NRXN3: variants seen among roughly 807,000 people sequenced by gnomAD.
NRXN3 encodes the protein neurexin III.
Under a neutral mutation model 137.6 loss-of-function variants are expected in NRXN3, and 32 were observed. The ratio of observed to expected loss-of-function variants is 0.23; its 90% CI spans 0.18 to 0.31. The LOEUF (loss-of-function observed/expected upper bound fraction) is 0.31, where lower values mean the gene tolerates loss of function less well. Among genes scored for constraint, NRXN3 ranks in the 10% least tolerant of loss-of-function variants. The probability of loss-of-function intolerance (pLI) is 1.00; values close to 1 mark genes in which losing one functional copy is unlikely to be tolerated. For synonymous variants in NRXN3, 798 were observed against 784.5 expected (o/e 1.02, Z -0.29); for missense variants, 1,574 against 2,062.5 (o/e 0.76, Z 4.59).
At chr14:78,624,603 A>C (rs1399184844) in intron 4 of NRXN3, among the ~76,000 whole-genome samples, 1 of 152,188 alleles carries the variant, frequency 6.6e-6, no homozygotes, top group African/African-American at 2.4e-5. Flanking sequence ...TTTCCAGAAG[A>C]GAATTGCAGG....
At chr14:79,314,534 C>G (rs528571476) in intron 15 of NRXN3, among the ~76,000 whole-genome samples, 4 of 41,004 alleles carry the variant, frequency 9.8e-5, no homozygotes, top group Admixed American at 6.7e-4. Flanking sequence ...ACAAAGCAGC[C>G]GGGAAGCTCG....
intron 20 of NRXN3, among the ~76,000 whole-genome samples, chr14:79,852,644 A>G (rs1207624721): frequency 7.0e-6 from 1 of 143,176 alleles, no homozygotes; most frequent in Non-Finnish European, 1.6e-5. Flanking sequence ...GTTTTTAAAG[A>G]AAATGCACAA....
intron 15 of NRXN3, among the ~76,000 whole-genome samples, chr14:79,044,701 A>G (rs1047194655): frequency 2.8e-4 from 1 of 3,578 alleles, no homozygotes; most frequent in Non-Finnish European, 9.6e-4. Flanking sequence ...AAAAGTGAAC[A>G]CACACACACA....
At chr14:78,668,830 T>C (rs1199472278) in intron 6 of NRXN3, among the ~76,000 whole-genome samples, 1 of 152,278 alleles carries the variant, frequency 6.6e-6, no homozygotes, top group East Asian at 1.9e-4. Context: ...AGGAAGTGAA[T>C]TGAATTGGCC....
At position 78,496,759 on chromosome 14, in the gene NRXN3, G is replaced by T. The variant is rs539154786; in HGVS notation, c.758-148361G>T. ...GATAGGTGAATCCAAAGATGAAGGG[G>T]TTGGTTATGTCGTTATTTGGGGAAT... On this transcript the variant is annotated intron_variant, in intron 4 of 20. Coordinates refer to ENST00000335750, the MANE Select transcript of NRXN3 (RefSeq NM_001330195.2). Among the ~76,000 whole-genome samples the T allele has an allele frequency of 2.0e-5, 3 of 152,090 alleles. No homozygotes were observed. In the South Asian group the frequency reaches 6.2e-4, roughly 32 times the overall value.
chr14:78,185,163 G>A (rs1163590435), intron 1 of NRXN3, among the ~76,000 whole-genome samples: 2 of 152,172 alleles, frequency 1.3e-5, no homozygotes, highest in Non-Finnish European at 2.9e-5. Context: ...AAGAGTAATG[G>A]TTGACATTCT....
intron 19 of NRXN3, among the ~76,000 whole-genome samples, chr14:79,774,810 GCT>G (rs1339289645): frequency 1.3e-5 from 2 of 152,080 alleles, no homozygotes; most frequent in African/African-American, 4.8e-5. Flanking sequence ...GATAATCTTT[GCT>G]CTCTATTTTG....
intron 19 of NRXN3, among the ~76,000 whole-genome samples, chr14:79,765,293 A>G (rs959270424): frequency 9.9e-5 from 15 of 152,216 alleles, no homozygotes; most frequent in Non-Finnish European, 1.9e-4. Flanking sequence ...AGTATAATAA[A>G]TAGAAACGTC....
intron 15 of NRXN3, among the ~76,000 whole-genome samples, chr14:79,143,684 G>A (rs1266869590): frequency 2.0e-5 from 3 of 152,228 alleles, no homozygotes; most frequent in Non-Finnish European, 4.4e-5. Context: ...AGTCATAATG[G>A]CTTTGCTCAC....
At chr14:78,511,190 C>T (rs947259623) in intron 4 of NRXN3, among the ~76,000 whole-genome samples, 3 of 152,132 alleles carry the variant, frequency 2.0e-5, no homozygotes, top group East Asian at 1.9e-4. Context: ...CATCTAACAA[C>T]GGAGCCAATG....
At chr14:79,453,553 C>G (rs1366426210) in intron 15 of NRXN3, among the ~76,000 whole-genome samples, 37 of 152,106 alleles carry the variant, frequency 2.4e-4, no homozygotes, top group Admixed American at 2.4e-3. Flanking sequence ...ATATTAAGTA[C>G]TTGGAAAATA....
chr14:78,755,198 T>C (rs1403518225), intron 8 of NRXN3, among the ~76,000 whole-genome samples: 1 of 151,866 alleles, frequency 6.6e-6, no homozygotes, highest in East Asian at 1.9e-4. Flanking sequence ...GTATTTTTTT[T>C]TTTTTTTTTT....
chr14:78,717,226 T>G (rs1270685375), intron 8 of NRXN3, among the ~76,000 whole-genome samples: 2 of 152,170 alleles, frequency 1.3e-5, no homozygotes, highest in African/African-American at 4.8e-5. Context: ...GTCTCTGAGC[T>G]CACCCATTTC....
intron 16 of NRXN3, among the ~76,000 whole-genome samples, chr14:79,477,288 G>T (rs905848994): frequency 6.6e-6 from 1 of 152,066 alleles, no homozygotes; most frequent in Admixed American, 6.6e-5. Context: ...TAAGAAAAGA[G>T]GCAGGTAATA....
intron 16 of NRXN3, among the ~76,000 whole-genome samples, chr14:79,497,802 C>T (rs2096781595): frequency 6.6e-6 from 1 of 152,028 alleles, no homozygotes; most frequent in African/African-American, 2.4e-5. Context: ...TTTGGGAGGC[C>T]GAGGTGGGTG....
At chr14:78,367,134 C>G (rs910850179) in intron 4 of NRXN3, among the ~76,000 whole-genome samples, 4 of 152,184 alleles carry the variant, frequency 2.6e-5, no homozygotes, top group African/African-American at 9.6e-5. Context: ...CTTCTGTTCT[C>G]TGAATACTAA....
chr14:78,484,932 G>A (rs1173479869), intron 4 of NRXN3, among the ~76,000 whole-genome samples: 1 of 152,172 alleles, frequency 6.6e-6, no homozygotes. Flanking sequence ...GTGAATTAGT[G>A]CAGAATAAAT....
chr14:79,200,496 T>C (rs2065819878), intron 15 of NRXN3, among the ~76,000 whole-genome samples: 1 of 152,206 alleles, frequency 6.6e-6, no homozygotes, highest in South Asian at 2.1e-4. Context: ...GCCAGCTGCG[T>C]CATCTGGAGA....
intron 19 of NRXN3, among the ~76,000 whole-genome samples, chr14:79,757,972 T>C (rs1265601877): frequency 6.6e-6 from 1 of 152,152 alleles, no homozygotes; most frequent in Non-Finnish European, 1.5e-5. Context: ...AGAAATATAC[T>C]TTTTTTCCCC....
Sources: gnomAD v4.1 joint callset for allele counts (sites outside exome capture counted in the v4.1 genomes callset) on GRCh38, gnomAD v4.1.1 for gene constraint, MANE v1.5 for transcripts, NCBI Gene and HGNC (gene_info 2026-07-23, HGNC 2026-07-21) for gene names.